The following ELOVL4 variants were observed in gnomAD, a reference collection of about 807,000 sequenced individuals.
The protein encoded by ELOVL4 is ELOVL fatty acid elongase 4, also known as very long chain fatty acid elongase 4.
A neutral mutation model predicts 42.1 loss-of-function variants in ELOVL4; 18 were observed. That is an observed-to-expected ratio of 0.43 (90% CI 0.30 to 0.63). The LOEUF is 0.63. ELOVL4 is among the 30% of genes least tolerant of loss of function. The pLI is 0.15. For missense variants in ELOVL4, 299 were observed against 376.2 expected (o/e 0.79, Z 1.70); for synonymous variants, 117 against 127.0 (o/e 0.92, Z 0.53).
intron 5 of ELOVL4, among the ~76,000 whole-genome samples, chr6:79,917,571 G>A (rs2127697714): frequency 6.6e-6 from 1 of 152,282 alleles, no homozygotes; most frequent in Admixed American, 6.5e-5. Flanking sequence ...TGCAATCCCA[G>A]CACTCTGGGA....
At chr6:79,925,114 T>C in intron 2 of ELOVL4, 82 bp from the exon 3 acceptor site, 1 of 925,620 alleles carries the variant, frequency 1.1e-6, no homozygotes, top group Non-Finnish European at 1.7e-6. Context: ...AATGTAGCCT[T>C]TCAAATTATT....
chr6:79,923,713 C>T (rs1774296557), intron 3 of ELOVL4, among the ~76,000 whole-genome samples: 1 of 152,172 alleles, frequency 6.6e-6, no homozygotes, highest in East Asian at 1.9e-4. Flanking sequence ...CCCACAAAGG[C>T]AGGGCTTTTC....
At chr6:79,942,212 A>G (rs1774658994) in intron 1 of ELOVL4, among the ~76,000 whole-genome samples, 1 of 152,202 alleles carries the variant, frequency 6.6e-6, no homozygotes, top group African/African-American at 2.4e-5. Context: ...GCAGGGGAAT[A>G]CTGAAGGATC....
At chr6:79,917,669 A>G (rs2127697732) in intron 5 of ELOVL4, among the ~76,000 whole-genome samples, 1 of 152,152 alleles carries the variant, frequency 6.6e-6, no homozygotes, top group Admixed American at 6.5e-5. Flanking sequence ...AAAATACAAA[A>G]AATTAGCCAG....
intron 4 of ELOVL4, among the ~76,000 whole-genome samples, chr6:79,920,614 A>G (rs1301190194): frequency 2.0e-5 from 3 of 152,208 alleles, no homozygotes; most frequent in Non-Finnish European, 4.4e-5. Flanking sequence ...TTATACATGT[A>G]TCCTGAAGGT....
intron 1 of ELOVL4, among the ~76,000 whole-genome samples, chr6:79,940,534 A>G (rs1005176582): frequency 2.6e-4 from 40 of 152,200 alleles, no homozygotes; most frequent in Non-Finnish European, 4.1e-4. Context: ...TGTTTATAAT[A>G]GAAAATCATT....
chr6:79,922,434 T>C (rs939939183), intron 3 of ELOVL4, among the ~76,000 whole-genome samples: 1 of 152,208 alleles, frequency 6.6e-6, no homozygotes, highest in African/African-American at 2.4e-5. Flanking sequence ...AATAAGTCTT[T>C]TCTTTTCCTG....
At chr6:79,921,941 A>C in intron 3 of ELOVL4, 145 bp from the exon 4 acceptor site, 3 of 773,348 alleles carry the variant, frequency 3.9e-6, no homozygotes, top group Non-Finnish European at 6.4e-6. Flanking sequence ...GTAGGTTTGA[A>C]AAACCTAAGC....
At chr6:79,932,386 C>CA (rs1242835819) in intron 1 of ELOVL4, among the ~76,000 whole-genome samples, 6 of 151,634 alleles carry the variant, frequency 4.0e-5, no homozygotes, top group Non-Finnish European at 7.4e-5. Flanking sequence ...ACTAAAAATA[C>CA]AAAAAAAATT....
chr6:79,946,935 CTGA>C (rs1774753610), intron 1 of ELOVL4, among the ~76,000 whole-genome samples: 1 of 152,202 alleles, frequency 6.6e-6, no homozygotes, highest in Non-Finnish European at 1.5e-5. Context: ...CATCCGAGAG[CTGA>C]TGAGAGATGG....
At chr6:79,927,038 C>T (rs1344458344) in intron 1 of ELOVL4, among the ~76,000 whole-genome samples, 3 of 152,102 alleles carry the variant, frequency 2.0e-5, no homozygotes, top group Admixed American at 6.6e-5. Context: ...TTCTCTAGAG[C>T]TGTAAATCGC....
chr6:79,916,536 T>C lies in ELOVL4; in HGVS notation c.*72A>G. 2 of 1,591,376 alleles carry C rather than the reference T, an allele frequency of 1.3e-6. No individual in the cohort carries two copies. The highest frequency in any genetic ancestry group is 1.7e-5 in the Admixed American group (1 of 59,896). Reference sequence around the variant, plus strand: ...CCACCCCCAAGCTCTCCTTTGCTTCTGTTTTCCCTGAAATTTTATATGATA... The same window carrying C: ...CCACCCCCAAGCTCTCCTTTGCTTCCGTTTTCCCTGAAATTTTATATGATA... On this transcript the variant is annotated 3_prime_UTR_variant, in exon 6 of 6. Transcript: ENST00000369816.
At chr6:79,919,030 A>G (rs141961687) in intron 5 of ELOVL4, among the ~76,000 whole-genome samples, 189 of 152,338 alleles carry the variant, frequency 1.2e-3, no homozygotes, top group African/African-American at 3.8e-3. Context: ...TTAAGCAAGG[A>G]CAAGATGAAG....
chr6:79,921,459 CAAAAAAAAAAAA>C lies in ELOVL4; in HGVS notation c.541+154_541+165del, dbSNP rs1168483827. Among the ~76,000 whole-genome samples the C allele has an allele frequency of 1.5e-3, 64 of 42,390 alleles. 1 individual carries two copies. In the East Asian group the frequency reaches 0.059, roughly 39 times the overall value. 27.8% of individuals were successfully genotyped at this position (42,390 alleles called of 152,430 possible). On this transcript the variant is annotated intron_variant, in intron 4 of 5. Transcript: ENST00000369816. The stretch of plus-strand genomic sequence containing the variant: ...CTGGTGACAGAGCGAGACTCCATCT[CAAAAAAAAAAAA>C]AAAAAAAAAAAAAAAAAAGAAATGA...
intron 3 of ELOVL4, among the ~76,000 whole-genome samples, chr6:79,924,544 A>G (rs1774312063): frequency 6.6e-6 from 1 of 152,178 alleles, no homozygotes; most frequent in Admixed American, 6.5e-5. Context: ...TATCATATTA[A>G]AGTACATTTT....
At chr6:79,938,594 C>G (rs1774588838) in intron 1 of ELOVL4, among the ~76,000 whole-genome samples, 1 of 152,126 alleles carries the variant, frequency 6.6e-6, no homozygotes, top group African/African-American at 2.4e-5. Flanking sequence ...GGAAGTTAAC[C>G]ATCTTCTCAG....
intron 1 of ELOVL4, among the ~76,000 whole-genome samples, chr6:79,942,042 T>C (rs1351606857): frequency 6.6e-6 from 1 of 152,174 alleles, no homozygotes; most frequent in Non-Finnish European, 1.5e-5. Flanking sequence ...AGGAGGACTA[T>C]TGTACTGGGT....
chr6:79,931,421 A>G (rs1312539971), intron 1 of ELOVL4, among the ~76,000 whole-genome samples: 18 of 152,190 alleles, frequency 1.2e-4, no homozygotes, highest in Non-Finnish European at 2.6e-4. Flanking sequence ...CAGCTGTTGT[A>G]GGCACTACTC....
intron 1 of ELOVL4, among the ~76,000 whole-genome samples, chr6:79,930,540 G>A (rs1020397825): frequency 2.6e-5 from 4 of 152,104 alleles, no homozygotes; most frequent in Admixed American, 6.5e-5. Flanking sequence ...CTGATGAGAT[G>A]CAAATATTCT....
Sources: allele counts gnomAD v4.1 joint callset (sites outside exome capture counted in the v4.1 genomes callset), GRCh38; gene constraint gnomAD v4.1.1; transcripts MANE v1.5; gene names NCBI Gene and HGNC (gene_info 2026-07-23, HGNC 2026-07-21).